Variants in GCNT4 observed in about 807,000 individuals in gnomAD.
GCNT4 encodes glucosaminyl (N-acetyl) transferase 4.
Under a neutral mutation model 31.3 loss-of-function variants are expected in GCNT4, and 17 were observed. That is an observed-to-expected ratio of 0.54 (90% CI 0.37 to 0.81). The LOEUF (loss-of-function observed/expected upper bound fraction) is 0.81, where lower values mean the gene tolerates loss of function less well. Ranked by LOEUF, GCNT4 falls within the 40% of genes least tolerant of loss-of-function variation. The probability of loss-of-function intolerance (pLI) is 0.00; values close to 1 mark genes in which losing one functional copy is unlikely to be tolerated. For missense variants in GCNT4, 503 were observed against 525.5 expected (o/e 0.96, Z 0.42); for synonymous variants, 158 against 190.6 (o/e 0.83, Z 1.41).
intron 3 of GCNT4, among the ~76,000 whole-genome samples, chr5:75,033,776 G>C (rs1048433307): frequency 6.6e-6 from 1 of 151,442 alleles, no homozygotes; most frequent in Non-Finnish European, 1.5e-5. Context: ...CTATCAACCC[G>C]TCATCTAGGT....
Position 75,029,002 on chromosome 5 carries a change from G to A in GCNT4, c.1036C>T (p.Pro346Ser). The change falls in exon 4 of 4, where the codon CCA becomes TCA. Residue 346 changes from proline to serine, a missense_variant. Pro to Ser is a moderately conservative substitution (Grantham distance 74, BLOSUM62 -1). Coordinates refer to ENST00000652361, the MANE Select transcript of GCNT4 (RefSeq NM_001366737.1). Reference protein sequence around the residue: ...EHFWATLIRVPGIPGEISRSA... With the variant: ...EHFWATLIRVSGIPGEISRSA... ...CTGGAAATCTCCCCAGGTATTCCTG[G>A]AACCCGAATCAAGGTAGCCCAAAAG... 1 of 1,614,028 alleles carries A rather than the reference G, an allele frequency of 6.2e-7. No individual in the cohort carries two copies. The highest frequency in any genetic ancestry group is 1.3e-5 in the African/African-American group (1 of 75,018).
In GCNT4 at chr5:75,029,164, G is replaced by A. The variant is rs996742294; in HGVS notation, c.874C>T (p.Pro292Ser). 2.5e-6 allele frequency: 4 copies of A among 1,613,868 alleles called. No homozygotes were observed. The highest frequency in any genetic ancestry group is 1.1e-5 in the South Asian group (1 of 91,080). ...ACAAATATCTGAATGTTATGGGGGG[G>A]TGCTTCCTTGGAGATGTTTGTCCTT... is the stretch of plus-strand genomic sequence containing the variant. ...PIRTNISKEAPPHNIQIFVGS... is the reference protein window; with the variant it reads ...PIRTNISKEASPHNIQIFVGS... The change falls in exon 4 of 4, where the codon CCC (proline) becomes TCC (serine). Residue 292 changes from proline (P) to serine (S), a missense_variant. Coordinates refer to ENST00000652361, the MANE Select transcript of GCNT4 (RefSeq NM_001366737.1).
At chr5:75,052,569 A>G (rs1743598946), upstream of GCNT4, 1 of 152,188 alleles carries the variant, frequency 6.6e-6, no homozygotes, top group Non-Finnish European at 1.5e-5. Context: ...GCGGCACAAA[A>G]AACTTGACCT....
chr5:75,041,251 ACC>A (rs1475537673), intron 3 of GCNT4, among the ~76,000 whole-genome samples: 2 of 152,206 alleles, frequency 1.3e-5, no homozygotes, highest in African/African-American at 4.8e-5. Flanking sequence ...ACACAAACAC[ACC>A]CTCACCCAGG....
At chr5:75,049,548 C>G (rs1427684571) in intron 2 of GCNT4, among the ~76,000 whole-genome samples, 2 of 152,148 alleles carry the variant, frequency 1.3e-5, no homozygotes, top group Non-Finnish European at 2.9e-5. Flanking sequence ...TTAGATCCCA[C>G]TAGGAAAATT....
intron 3 of GCNT4, among the ~76,000 whole-genome samples, chr5:75,031,834 G>C (rs1743070231): frequency 6.6e-6 from 1 of 152,198 alleles, no homozygotes; most frequent in Non-Finnish European, 1.5e-5. Context: ...CTCCAGGACA[G>C]GAAAGCTGGC....
chr5:75,032,042 A>G (rs1743075014), intron 3 of GCNT4, among the ~76,000 whole-genome samples: 2 of 152,150 alleles, frequency 1.3e-5, no homozygotes, highest in East Asian at 3.9e-4. Context: ...CCCATTGACA[A>G]AACTCTCCCC....
chr5:75,034,498 A>T (rs1743154181), intron 3 of GCNT4, among the ~76,000 whole-genome samples: 1 of 152,194 alleles, frequency 6.6e-6, no homozygotes, highest in Non-Finnish European at 1.5e-5. Flanking sequence ...CAAGCACTGC[A>T]CCCAGCACTT....
intron 3 of GCNT4, among the ~76,000 whole-genome samples, chr5:75,044,807 T>A (rs574035496): frequency 2.0e-5 from 3 of 152,262 alleles, no homozygotes; most frequent in Admixed American, 2.0e-4. Context: ...AAGGGCCCAC[T>A]TGTACTATTT....
At chr5:75,022,038 A>C (rs56245770), downstream of GCNT4, among the ~76,000 whole-genome samples, 2,019 of 152,264 alleles carry the variant, frequency 0.013, 26 homozygotes, top group Non-Finnish European at 0.021. Context: ...CTTAGAGTTC[A>C]TAATTTTTTT....
intron 3 of GCNT4, among the ~76,000 whole-genome samples, chr5:75,040,457 C>T (rs964275286): frequency 1.3e-5 from 2 of 152,172 alleles, no homozygotes; most frequent in Non-Finnish European, 2.9e-5. Flanking sequence ...GGGGTAGTTG[C>T]TCAATGGGAC....
intron 2 of GCNT4, among the ~76,000 whole-genome samples, chr5:75,049,435 C>G (rs972843516): frequency 1.3e-5 from 2 of 152,116 alleles, no homozygotes; most frequent in Non-Finnish European, 2.9e-5. Context: ...TCTCCAAATG[C>G]CCACACTGAG....
chr5:75,021,954 T>G (rs1476692303), downstream of GCNT4, among the ~76,000 whole-genome samples: 1 of 152,196 alleles, frequency 6.6e-6, no homozygotes, highest in Non-Finnish European at 1.5e-5. Context: ...TAGGTCAATA[T>G]TTAACATTTA....
At chr5:75,040,883 A>G (rs926597433) in intron 3 of GCNT4, among the ~76,000 whole-genome samples, 1 of 152,234 alleles carries the variant, frequency 6.6e-6, no homozygotes, top group African/African-American at 2.4e-5. Flanking sequence ...TTTCAGAATT[A>G]TGTAGACAAA....
downstream of GCNT4, among the ~76,000 whole-genome samples, chr5:75,021,723 G>T (rs1742882723): frequency 2.6e-5 from 4 of 152,160 alleles, no homozygotes; most frequent in African/African-American, 9.7e-5. Flanking sequence ...TTCCTTGGAG[G>T]TGACTAGTAA....
rs1452342204 is a variant in GCNT4 at position 75,026,314 on chromosome 5, T to C, written c.*2362A>G. The C allele has an allele frequency of 1.3e-5, 2 of 152,120 alleles. No homozygotes were observed. The highest frequency in any genetic ancestry group is 2.9e-5 in the Non-Finnish European group (2 of 68,012). The allele number at this position is 152,120 out of a possible 1,614,324, so 9.4% of individuals were successfully genotyped here. A position where few individuals can be genotyped will look rare whatever the true frequency, so the allele number is the denominator to read the frequency against. ...CATAAAAACCAAGATTTCAACAGGATTTCGTGTATTTCATCCTAGATGGTG... is the reference window on the plus strand; with the variant it reads ...CATAAAAACCAAGATTTCAACAGGACTTCGTGTATTTCATCCTAGATGGTG... On this transcript the variant is annotated 3_prime_UTR_variant, in exon 4 of 4. Transcript: ENST00000652361.
chr5:75,048,444 TGACAAGAGCATCTCTAGAG>T (rs1323737858), intron 2 of GCNT4, among the ~76,000 whole-genome samples: 1 of 152,188 alleles, frequency 6.6e-6, no homozygotes, highest in Non-Finnish European at 1.5e-5. Flanking sequence ...AAACGTGGTT[TGACAAGAGCATCTCTAGAG>T]GACAGTTCAG....
chr5:75,035,359 G>GA (rs1743173127), intron 3 of GCNT4, among the ~76,000 whole-genome samples: 2 of 152,164 alleles, frequency 1.3e-5, no homozygotes, highest in Admixed American at 6.5e-5. Context: ...GAAGACTGAG[G>GA]AAAAAAGGAC....
At chr5:75,023,817 A>T (rs929923799), downstream of GCNT4, 1 of 152,236 alleles carries the variant, frequency 6.6e-6, no homozygotes, top group African/African-American at 2.4e-5. Context: ...AGAAGAACAA[A>T]AAAATAAATT....
Sources: allele counts gnomAD v4.1 joint callset (sites outside exome capture counted in the v4.1 genomes callset), GRCh38; gene constraint gnomAD v4.1.1; transcripts MANE v1.5; gene names NCBI Gene and HGNC (gene_info 2026-07-23, HGNC 2026-07-21).